CGGBP1: variants seen among roughly 807,000 people sequenced by gnomAD.
CGGBP1 encodes CGG triplet repeat-binding protein 1.
CGGBP1 carries 4 observed loss-of-function variants against 11.4 expected under a neutral mutation model. The ratio of observed to expected loss-of-function variants is 0.35; its 90% CI spans 0.17 to 0.80. The LOEUF is 0.80. Among genes scored for constraint, CGGBP1 ranks in the 30% least tolerant of loss-of-function variants. The pLI is 0.52. For synonymous variants in CGGBP1, 76 were observed against 74.1 expected (o/e 1.03, Z -0.13); for missense variants, 135 against 202.1 (o/e 0.67, Z 2.01).
chr3:88,080,454 A>G (rs1172022701), intron 2 of CGGBP1, among the ~76,000 whole-genome samples: 1 of 152,152 alleles, frequency 6.6e-6, no homozygotes, highest in Admixed American at 6.5e-5. Context: ...ATTTTAATAT[A>G]TGTCTTATTT....
rs1706566544 is a variant in CGGBP1 at position 88,057,216 on chromosome 3, T to C, written c.-49A>G. 6.6e-6 allele frequency: 1 copy of C among 152,150 alleles called. No homozygotes were observed. Among genetic ancestry groups the C allele is most frequent in the South Asian group, 2.1e-4 (1 of 4,836 alleles). The allele number at this position is 152,150 out of a possible 1,614,324, so 9.4% of individuals were successfully genotyped here. On this transcript the variant is annotated 5_prime_UTR_variant, in exon 3 of 4. Transcript: ENST00000482016. ...TAGAGAATAGCTGGGTAACATGAAC[T>C]CTCTTTCAAAAGGACTTTAAATTGC...
chr3:88,140,531 C>T (rs1221453433), intron 2 of CGGBP1: 1 of 1,613,652 alleles, frequency 6.2e-7, no homozygotes, highest in Non-Finnish European at 8.5e-7. Context: ...CAAATATAAG[C>T]TTGATAGACC....
chr3:88,145,730 T>C (rs765064832), intron 1 of CGGBP1, among the ~76,000 whole-genome samples: 28 of 152,126 alleles, frequency 1.8e-4, no homozygotes, highest in Non-Finnish European at 2.5e-4. Context: ...GGAATAAAAA[T>C]TGTAAATGAT....
chr3:88,088,691 G>C (rs1708464581), intron 2 of CGGBP1, among the ~76,000 whole-genome samples: 1 of 150,732 alleles, frequency 6.6e-6, no homozygotes, highest in Non-Finnish European at 1.5e-5. Flanking sequence ...AGAGAGTTTA[G>C]AATATATTAT....
At chr3:88,109,142 A>AGTGTGTGTGTGT (rs35595112) in intron 2 of CGGBP1, among the ~76,000 whole-genome samples, 3,651 of 142,450 alleles carry the variant, frequency 0.026, 61 homozygotes, top group Non-Finnish European at 0.037. Context: ...AGTGGGCACT[A>AGTGTGTGTGTGT]GTGTGTGTGT....
At chr3:88,110,597 C>A (rs917320098) in intron 2 of CGGBP1, among the ~76,000 whole-genome samples, 1 of 152,086 alleles carries the variant, frequency 6.6e-6, no homozygotes. Flanking sequence ...AGTTTACCAG[C>A]CTTGCTGTAG....
chr3:88,128,439 G>T (rs1249733263), intron 2 of CGGBP1, among the ~76,000 whole-genome samples: 7 of 151,884 alleles, frequency 4.6e-5, no homozygotes, highest in Admixed American at 1.3e-4. Flanking sequence ...AGAAAATATT[G>T]AGCAGTAAGA....
At chr3:88,088,549 A>T (rs1003009806) in intron 2 of CGGBP1, among the ~76,000 whole-genome samples, 1 of 152,198 alleles carries the variant, frequency 6.6e-6, no homozygotes, top group African/African-American at 2.4e-5. Flanking sequence ...GTTCTGTAGG[A>T]AGGTTGGAAG....
intron 1 of CGGBP1, among the ~76,000 whole-genome samples, chr3:88,147,494 A>G (rs9310077): frequency 0.78 from 119,165 of 152,124 alleles, 47,600 homozygotes; most frequent in South Asian, 0.91. Context: ...CAGAATAATA[A>G]GGAAGTCAGA....
At chr3:88,142,293 AAAC>A (rs1182002181) in intron 1 of CGGBP1, 4 of 56,074 alleles carry the variant, frequency 7.1e-5, no homozygotes, top group East Asian at 1.3e-3. Context: ...TTAAAAAACA[AAAC>A]AAAAAAAACC....
At chr3:88,107,988 T>A (rs1489861441) in intron 2 of CGGBP1, among the ~76,000 whole-genome samples, 1 of 148,736 alleles carries the variant, frequency 6.7e-6, no homozygotes, top group African/African-American at 2.6e-5. Context: ...GTTCTTATCA[T>A]TTTTTTTTGT....
At chr3:88,137,679 G>A (rs1184302918) in intron 2 of CGGBP1, among the ~76,000 whole-genome samples, 2 of 152,114 alleles carry the variant, frequency 1.3e-5, no homozygotes, top group African/African-American at 4.8e-5. Flanking sequence ...AAAACCTTCA[G>A]ATTAGAACTG....
upstream of CGGBP1, among the ~76,000 whole-genome samples, chr3:88,060,778 T>C (rs1706831546): frequency 6.6e-6 from 1 of 152,146 alleles, no homozygotes; most frequent in Non-Finnish European, 1.5e-5. Context: ...AGGGATTTTT[T>C]CAATGCTTGT....
upstream of CGGBP1, among the ~76,000 whole-genome samples, chr3:88,060,359 C>A (rs543234607): frequency 6.6e-6 from 1 of 152,132 alleles, no homozygotes; most frequent in African/African-American, 2.4e-5. Flanking sequence ...TCAAATATAA[C>A]AAATATACCC....
chr3:88,086,510 A>G (rs1234188372), intron 2 of CGGBP1: 3 of 975,436 alleles, frequency 3.1e-6, no homozygotes, highest in Non-Finnish European at 1.4e-6. Flanking sequence ...GTATTCCCTC[A>G]AAAAGAAATG....
At chr3:88,097,817 C>A (rs530834225) in intron 2 of CGGBP1, among the ~76,000 whole-genome samples, 2 of 151,968 alleles carry the variant, frequency 1.3e-5, no homozygotes, top group African/African-American at 4.8e-5. Flanking sequence ...AGAATATCTG[C>A]GACACATTTA....
intron 2 of CGGBP1, among the ~76,000 whole-genome samples, chr3:88,101,831 T>A (rs1276889539): frequency 6.6e-6 from 1 of 152,180 alleles, no homozygotes; most frequent in Non-Finnish European, 1.5e-5. Flanking sequence ...ATACTTTTTA[T>A]CTTTTTCATA....
chr3:88,068,048 T>C (rs910857253), intron 2 of CGGBP1, among the ~76,000 whole-genome samples: 1 of 151,744 alleles, frequency 6.6e-6, no homozygotes, highest in African/African-American at 2.4e-5. Context: ...AGTGGAGGGG[T>C]GTTGCTTTAT....
At chr3:88,059,224 G>C (rs529217706), upstream of CGGBP1, 11 of 1,494,526 alleles carry the variant, frequency 7.4e-6, no homozygotes, top group Non-Finnish European at 9.7e-6. Context: ...GAGGAGGGAA[G>C]GGGGAGGGAA....
Sources: gnomAD v4.1 joint callset for allele counts (sites outside exome capture counted in the v4.1 genomes callset) on GRCh38, gnomAD v4.1.1 for gene constraint, MANE v1.5 for transcripts, NCBI Gene and HGNC (gene_info 2026-07-23, HGNC 2026-07-21) for gene names.